The following MUCL3 variants were observed in gnomAD, a reference collection of about 807,000 sequenced individuals.
MUCL3 encodes mucin-like protein 3.
MUCL3 carries 42 observed loss-of-function variants against 70.2 expected under a neutral mutation model. That is an observed-to-expected ratio of 0.60 (90% CI 0.47 to 0.77). The LOEUF is 0.77. Among genes scored for constraint, MUCL3 ranks in the 30% least tolerant of loss-of-function variants. MUCL3 has a pLI of 0.00. For synonymous variants in MUCL3, 522 were observed against 647.0 expected, an observed-to-expected ratio of 0.81 and a Z score of 2.93; for missense variants, 1,429 against 1,670.0, an observed-to-expected ratio of 0.86 and a Z score of 2.52.
rs756241296 is a variant in MUCL3 at position 30,952,964 on chromosome 6, A to G, written c.4036-7A>G. ...TTCTCATTCCTCCTTTCTCATCCCA[A>G]TCACAGGTCTCCTATATGATGCGGA... is the stretch of plus-strand genomic sequence containing the variant. On this transcript the variant is annotated splice_region_variant and splice_polypyrimidine_tract_variant and intron_variant, in intron 2 of 2. Coordinates refer to ENST00000462446, the MANE Select transcript of MUCL3 (RefSeq NM_080870.4). 2 of 1,613,738 alleles carry G rather than the reference A, an allele frequency of 1.2e-6. No individual in the cohort carries two copies. The highest frequency in any genetic ancestry group is 1.7e-6 in the Non-Finnish European group (2 of 1,179,866).
chr6:30,949,480 C>T lies in MUCL3; in HGVS notation c.1016C>T (p.Pro339Leu), dbSNP rs1461025750. The change falls in exon 2 of 3, where the codon CCA becomes CTA. Residue 339 changes from proline to leucine, a missense_variant. Transcript: ENST00000462446. ...RTANENTAPF[P>L]AGPTENREMT... is the part of the protein sequence containing the mutation. ...GCCAATGAGAACACCGCACCATTCCCAGCAGGGCCTACAGAAAATAGAGAA... is the reference window on the plus strand; with the variant it reads ...GCCAATGAGAACACCGCACCATTCCTAGCAGGGCCTACAGAAAATAGAGAA... 1.9e-6 allele frequency: 3 copies of T among 1,550,018 alleles called. No individual in the cohort carries two copies. In the Admixed American group the frequency reaches 5.9e-5, roughly 31 times the overall value.
At position 30,952,273 on chromosome 6, in the gene MUCL3, T is replaced by C. The variant is rs1002090854; in HGVS notation, c.3809T>C (p.Val1270Ala). The change falls in exon 2 of 3, where the codon GTG becomes GCG. Residue 1270 changes from valine to alanine, a missense_variant. Coordinates refer to ENST00000462446, the MANE Select transcript of MUCL3 (RefSeq NM_080870.4). ...AATAAAACTGAAGTTACTCATCAGGTGCCCACTGGTTCTTTCACCCTCATT... is the reference window on the plus strand; with the variant it reads ...AATAAAACTGAAGTTACTCATCAGGCGCCCACTGGTTCTTTCACCCTCATT... Reference protein sequence around the residue: ...HLNKTEVTHQVPTGSFTLITS... With the variant: ...HLNKTEVTHQAPTGSFTLITS... 1.2e-6 allele frequency: 2 copies of C among 1,613,964 alleles called. No homozygotes were observed. The highest frequency in any genetic ancestry group is 1.7e-5 in the Admixed American group (1 of 59,968).
Position 30,950,602 on chromosome 6 carries a change from A to G in MUCL3, c.2138A>G (p.Asn713Ser). 1 of 1,550,580 alleles carries G rather than the reference A, an allele frequency of 6.4e-7. No homozygotes were observed. Among genetic ancestry groups the G allele is most frequent in the South Asian group, 1.2e-5 (1 of 83,996 alleles). The change falls in exon 2 of 3, where the codon AAC (asparagine) becomes AGC (serine). Residue 713 changes from asparagine to serine, a missense_variant. By Grantham distance (46) the Asn-to-Ser change is conservative. Coordinates refer to ENST00000462446, the MANE Select transcript of MUCL3 (RefSeq NM_080870.4). ...HGERTPLANE[N>S]TTLSPAEPTE... is the part of the protein sequence containing the mutation. ...GAAAGGACCCCACTGGCCAATGAGA[A>G]CACCACACTATCCCCAGCAGAGCCT... is the stretch of plus-strand genomic sequence containing the variant.
Position 30,953,120 on chromosome 6 carries a change from T to C in MUCL3, c.*3T>C, listed in dbSNP as rs1454603490. On this transcript the variant is annotated 3_prime_UTR_variant, in exon 3 of 3. Transcript: ENST00000462446. ...GCCAGATCCCTTCCCCACGGTGATCTTGGAGTAGGCGCCCAGCCCTGGCTC... is the reference window on the plus strand; with the variant it reads ...GCCAGATCCCTTCCCCACGGTGATCCTGGAGTAGGCGCCCAGCCCTGGCTC... 2.5e-6 allele frequency: 4 copies of C among 1,613,778 alleles called. No individual in the cohort carries two copies. The highest frequency in any genetic ancestry group is 1.7e-5 in the Admixed American group (1 of 59,996).
At position 30,948,719 on chromosome 6, in the gene MUCL3, C is replaced by T; in HGVS notation, c.255C>T (p.Arg85=). Residue 85 remains arginine, a synonymous_variant, in exon 2 of 3, where the codon CGC becomes CGT. Coordinates refer to ENST00000462446, the MANE Select transcript of MUCL3 (RefSeq NM_080870.4). ...CTACAGAAATCCATGAGCAAAAACGCCACTGCAACACCACACGCCATTCTA... is the reference window on the plus strand; with the variant it reads ...CTACAGAAATCCATGAGCAAAAACGTCACTGCAACACCACACGCCATTCTA... ...PKSTEIHEQK[R]HCNTTRHSKP... is the part of the protein sequence containing the mutation. The T allele has an allele frequency of 6.4e-7, 1 of 1,551,668 alleles. No homozygotes were observed. Among genetic ancestry groups the T allele is most frequent in the Non-Finnish European group, 8.7e-7 (1 of 1,146,994 alleles).
At chr6:30,945,685 T>A (rs1795751822) in intron 1 of MUCL3, among the ~76,000 whole-genome samples, 1 of 151,648 alleles carries the variant, frequency 6.6e-6, no homozygotes, top group African/African-American at 2.4e-5. Context: ...CCGGATGCAA[T>A]GGCTCATGCC....
Position 30,941,097 on chromosome 6 carries a change from G to A in MUCL3, c.82+16G>A, listed in dbSNP as rs1376930700. The A allele has an allele frequency of 6.5e-7, 1 of 1,548,648 alleles. No individual in the cohort carries two copies. The highest frequency in any genetic ancestry group is 8.7e-7 in the Non-Finnish European group (1 of 1,146,802). ...TGGGGGGCAGGTAAGATGCCCACAG[G>A]GGATACAGAAGACAGAAACAGCTTG... On this transcript the variant is annotated intron_variant, in intron 1 of 2. Coordinates refer to ENST00000462446, the MANE Select transcript of MUCL3 (RefSeq NM_080870.4).
chr6:30,945,677 G>A (rs554270787), intron 1 of MUCL3, among the ~76,000 whole-genome samples: 4 of 151,764 alleles, frequency 2.6e-5, no homozygotes, highest in South Asian at 2.1e-4. Context: ...AACCCCGGCC[G>A]GATGCAATGG....
Position 30,949,774 on chromosome 6 carries a change from C to A in MUCL3, c.1310C>A (p.Ser437Tyr). The A allele has an allele frequency of 6.5e-7, 1 of 1,546,932 alleles. No individual in the cohort carries two copies. The highest frequency in any genetic ancestry group is 8.7e-7 in the Non-Finnish European group (1 of 1,145,942). ...CTGGCCAACGAGAACACCACACCAT[C>A]CCCAGCAGAGCCTACAGAAAATAGA... ...TPLANENTTP[S>Y]PAEPTENRER... is the part of the protein sequence containing the mutation. Residue 437 changes from serine to tyrosine, a missense_variant, in exon 2 of 3, where the codon TCC becomes TAC. Physicochemically the swap from Ser to Tyr is moderately radical, Grantham distance 144 (BLOSUM62 -2). Coordinates refer to ENST00000462446, the MANE Select transcript of MUCL3 (RefSeq NM_080870.4).
Position 30,949,334 on chromosome 6 carries a change from A to C in MUCL3, c.870A>C (p.Gly290=). ...QSLAEPTEHG[G]RTANENNTPS... ...TAGCAGAGCCTACAGAACATGGAGG[A>C]AGGACAGCCAATGAGAACAACACAC... Residue 290 remains glycine (G), a synonymous_variant, in exon 2 of 3, where the codon GGA becomes GGC. Coordinates refer to ENST00000462446, the MANE Select transcript of MUCL3 (RefSeq NM_080870.4). 6 of 1,551,808 alleles carry C rather than the reference A, an allele frequency of 3.9e-6. No homozygotes were observed. Among genetic ancestry groups the C allele is most frequent in the Non-Finnish European group, 5.2e-6 (6 of 1,147,016 alleles).
At position 30,951,516 on chromosome 6, in the gene MUCL3, G is replaced by C. The variant is rs1760690160; in HGVS notation, c.3052G>C (p.Ala1018Pro). Reference protein sequence around the residue: ...TANEKTTPSPAEPTEHGERTP... With the variant: ...TANEKTTPSPPEPTEHGERTP... The stretch of plus-strand genomic sequence containing the variant: ...CAATGAGAAGACCACACCATCCCCA[G>C]CAGAGCCTACAGAACATGGAGAAAG... Residue 1018 changes from alanine to proline, a missense_variant, in exon 2 of 3, where the codon GCA becomes CCA. Coordinates refer to ENST00000462446, the MANE Select transcript of MUCL3 (RefSeq NM_080870.4). 6.4e-7 allele frequency: 1 copy of C among 1,551,800 alleles called. No homozygotes were observed. The highest frequency in any genetic ancestry group is 8.7e-7 in the Non-Finnish European group (1 of 1,147,010).
intron 1 of MUCL3, among the ~76,000 whole-genome samples, chr6:30,941,433 T>TTTCTTC (rs1161058683): frequency 1.6e-4 from 22 of 135,426 alleles, no homozygotes; most frequent in South Asian, 9.8e-4. Flanking sequence ...TGGTGATTTC[T>TTTCTTC]TTCTTCTTCT....
intron 1 of MUCL3, among the ~76,000 whole-genome samples, chr6:30,942,476 T>C (rs1265632221): frequency 2.0e-5 from 3 of 152,162 alleles, no homozygotes; most frequent in African/African-American, 7.2e-5. Context: ...GCAGTGCCCC[T>C]TCCCTGAGCA....
intron 1 of MUCL3, among the ~76,000 whole-genome samples, chr6:30,941,887 C>A (rs1302557898): frequency 6.6e-6 from 1 of 152,082 alleles, no homozygotes; most frequent in Admixed American, 6.5e-5. Context: ...AGCAGGGATT[C>A]CAGCTCCACT....
intron 1 of MUCL3, among the ~76,000 whole-genome samples, chr6:30,945,648 C>T (rs970948241): frequency 6.7e-6 from 1 of 149,706 alleles, no homozygotes; most frequent in African/African-American, 2.5e-5. Flanking sequence ...CTATCTCAAA[C>T]AACAACAACA....
Position 30,953,331 on chromosome 6 carries a change from A to G in MUCL3, c.*214A>G, listed in dbSNP as rs752887352. On this transcript the variant is annotated 3_prime_UTR_variant, in exon 3 of 3. Coordinates refer to ENST00000462446, the MANE Select transcript of MUCL3 (RefSeq NM_080870.4). ...TTAGGGGACAAAGAAGAAAGAATGA[A>G]TAATACGAGCAGACATTCTCTGTAG... The G allele has an allele frequency of 6.1e-6, 4 of 653,392 alleles. No homozygotes were observed. The highest frequency in any genetic ancestry group is 2.0e-5 in the South Asian group (1 of 49,192). 40.5% of individuals were successfully genotyped at this position (653,392 alleles called of 1,614,324 possible).
rs1404750509 is a variant in MUCL3 at position 30,953,286 on chromosome 6, T to G, written c.*169T>G. ...TGAAACTGGTTGGGGAATGAGGTGATAAGCAAGGAGGGTGTAAGTTTAGGG... is the reference window on the plus strand; with the variant it reads ...TGAAACTGGTTGGGGAATGAGGTGAGAAGCAAGGAGGGTGTAAGTTTAGGG... On this transcript the variant is annotated 3_prime_UTR_variant, in exon 3 of 3. Transcript: ENST00000462446. 1.0e-6 allele frequency: 1 copy of G among 990,202 alleles called. No individual in the cohort carries two copies. The highest frequency in any genetic ancestry group is 2.6e-5 in the East Asian group (1 of 38,034). 61.3% of individuals were successfully genotyped at this position (990,202 alleles called of 1,614,324 possible).
intron 2 of MUCL3, 119 bp from the exon 3 acceptor site, chr6:30,952,852 G>A: frequency 7.3e-7 from 1 of 1,370,798 alleles, no homozygotes; most frequent in East Asian, 2.5e-5. Context: ...TGGACCTGGA[G>A]CTGGAATAAA....
At chr6:30,946,705 T>C (rs1189663052) in intron 1 of MUCL3, among the ~76,000 whole-genome samples, 1 of 152,224 alleles carries the variant, frequency 6.6e-6, no homozygotes, top group Non-Finnish European at 1.5e-5. Context: ...TTTAAAAGAC[T>C]GGGCTGACCT....
Sources: gnomAD v4.1 joint callset for allele counts (sites outside exome capture counted in the v4.1 genomes callset) on GRCh38, gnomAD v4.1.1 for gene constraint, MANE v1.5 for transcripts, NCBI Gene and HGNC (gene_info 2026-07-23, HGNC 2026-07-21) for gene names.